NLGN1: variants seen among roughly 807,000 people sequenced by gnomAD.
The protein encoded by NLGN1 is neuroligin-1.
A neutral mutation model predicts 65.5 loss-of-function variants in NLGN1; 12 were observed. That is an observed-to-expected ratio of 0.18 (90% CI 0.12 to 0.30). NLGN1 has a LOEUF of 0.30. NLGN1 is among the 10% of genes least tolerant of loss of function. The pLI is 1.00. For synonymous variants in NLGN1, 350 were observed against 359.5 expected (o/e 0.97, Z 0.30); for missense variants, 750 against 1,007.1 (o/e 0.74, Z 3.46).
chr3:173,958,141 G>A (rs1222519054), intron 4 of NLGN1, among the ~76,000 whole-genome samples: 1 of 152,202 alleles, frequency 6.6e-6, no homozygotes, highest in Non-Finnish European at 1.5e-5. Context: ...CCAAAGGGCT[G>A]TAGCTTTTCT....
At chr3:173,526,214 G>A (rs550523583) in intron 2 of NLGN1, among the ~76,000 whole-genome samples, 1 of 152,042 alleles carries the variant, frequency 6.6e-6, no homozygotes, top group African/African-American at 2.4e-5. Flanking sequence ...GTTTTCTTAG[G>A]TCTAGTAGTA....
At chr3:174,056,653 T>C (rs1400318590) in intron 4 of NLGN1, among the ~76,000 whole-genome samples, 2 of 151,960 alleles carry the variant, frequency 1.3e-5, no homozygotes, top group African/African-American at 2.4e-5. Flanking sequence ...AGGCCATTTA[T>C]TTTTTTATTT....
At chr3:173,710,523 A>G (rs1321276341) in intron 3 of NLGN1, among the ~76,000 whole-genome samples, 1 of 152,172 alleles carries the variant, frequency 6.6e-6, no homozygotes, top group Non-Finnish European at 1.5e-5. Context: ...TATTGTTTAG[A>G]AGTAATTTAA....
At chr3:174,016,422 GA>G (rs752680371) in intron 4 of NLGN1, among the ~76,000 whole-genome samples, 1 of 152,180 alleles carries the variant, frequency 6.6e-6, no homozygotes, top group Non-Finnish European at 1.5e-5. Context: ...TGCAATGAAA[GA>G]ATAAGTACAT....
chr3:173,417,582 G>A (rs975746215), intron 1 of NLGN1, among the ~76,000 whole-genome samples: 24 of 151,684 alleles, frequency 1.6e-4, no homozygotes, highest in African/African-American at 5.8e-4. Flanking sequence ...ACACTAATAG[G>A]AATTATTTTG....
At chr3:173,842,958 T>C (rs536852636) in intron 4 of NLGN1, among the ~76,000 whole-genome samples, 1 of 152,346 alleles carries the variant, frequency 6.6e-6, no homozygotes, top group East Asian at 1.9e-4. Flanking sequence ...ATGAGAGCCG[T>C]GCCCCTGCAG....
intron 3 of NLGN1, among the ~76,000 whole-genome samples, chr3:173,785,612 A>C (rs1781824956): frequency 6.6e-6 from 1 of 152,198 alleles, no homozygotes; most frequent in African/African-American, 2.4e-5. Flanking sequence ...TTATTGACTA[A>C]ATTTCTAAGT....
chr3:173,517,750 T>TTATCTATCTATCTATCTATCTATCTATC (rs368708618), intron 2 of NLGN1, among the ~76,000 whole-genome samples: 1 of 147,132 alleles, frequency 6.8e-6, no homozygotes, highest in Admixed American at 6.8e-5. Context: ...TTTCGCAAAT[T>TTATCTATCTATCTATCTATCTATCTATC]TATCTATCTA....
intron 2 of NLGN1, among the ~76,000 whole-genome samples, chr3:173,577,092 A>G (rs1345146176): frequency 6.6e-6 from 1 of 152,118 alleles, no homozygotes; most frequent in Admixed American, 6.6e-5. Context: ...GGAACTTTAA[A>G]ACTGCAGTTC....
intron 4 of NLGN1, among the ~76,000 whole-genome samples, chr3:173,852,373 A>T (rs1362276473): frequency 6.7e-6 from 1 of 149,692 alleles, no homozygotes; most frequent in Non-Finnish European, 1.5e-5. Flanking sequence ...AAAAAAAAAA[A>T]AAAAAAAAAA....
At chr3:173,821,499 AC>A (rs1720288202) in intron 4 of NLGN1, among the ~76,000 whole-genome samples, 1 of 152,196 alleles carries the variant, frequency 6.6e-6, no homozygotes, top group South Asian at 2.1e-4. Context: ...CTTTTTTAAT[AC>A]AAATAAAACA....
chr3:173,556,992 A>G (rs1049176768), intron 2 of NLGN1, among the ~76,000 whole-genome samples: 2 of 151,426 alleles, frequency 1.3e-5, no homozygotes, highest in Non-Finnish European at 2.9e-5. Context: ...ATAAATATCC[A>G]TTAGGTTGAT....
chr3:173,583,173 C>T (rs551202382), intron 2 of NLGN1, among the ~76,000 whole-genome samples: 2 of 152,150 alleles, frequency 1.3e-5, no homozygotes, highest in African/African-American at 2.4e-5. Context: ...ACTTCCTGAA[C>T]CTTTTTCTTC....
chr3:174,254,463 T>C (rs2152847067), intron 4 of NLGN1, among the ~76,000 whole-genome samples: 1 of 152,184 alleles, frequency 6.6e-6, no homozygotes, highest in South Asian at 2.1e-4. Context: ...TTGAGACTTT[T>C]CTCTCTACCT....
intron 4 of NLGN1, among the ~76,000 whole-genome samples, chr3:173,913,248 A>C (rs943932609): frequency 5.9e-5 from 9 of 152,216 alleles, no homozygotes; most frequent in Admixed American, 3.9e-4. Flanking sequence ...TAAGTGGAAG[A>C]AAAGTGGGAG....
At chr3:173,801,312 A>T (rs1308960429) in intron 3 of NLGN1, among the ~76,000 whole-genome samples, 1 of 151,976 alleles carries the variant, frequency 6.6e-6, no homozygotes, top group East Asian at 1.9e-4. Context: ...TCCAATCAGG[A>T]TTAAAGTTTA....
chr3:173,693,563 T>A (rs1260324907), intron 3 of NLGN1, among the ~76,000 whole-genome samples: 1 of 152,122 alleles, frequency 6.6e-6, no homozygotes, highest in African/African-American at 2.4e-5. Flanking sequence ...AACCTGCTTA[T>A]ATTCTTCTTG....
chr3:173,686,708 A>G (rs1251084930), intron 3 of NLGN1, among the ~76,000 whole-genome samples: 2 of 152,136 alleles, frequency 1.3e-5, no homozygotes, highest in Admixed American at 1.3e-4. Context: ...TAATCCCAGC[A>G]CTTTGGGAGG....
chr3:174,194,287 A>G (rs1225391873), intron 4 of NLGN1, among the ~76,000 whole-genome samples: 1 of 151,964 alleles, frequency 6.6e-6, no homozygotes, highest in East Asian at 1.9e-4. Context: ...TGAAACTACT[A>G]CTAAAAATAC....
Sources: gnomAD v4.1 joint callset for allele counts (sites outside exome capture counted in the v4.1 genomes callset) on GRCh38, gnomAD v4.1.1 for gene constraint, MANE v1.5 for transcripts, NCBI Gene and HGNC (gene_info 2026-07-23, HGNC 2026-07-21) for gene names.